Variants in UPP2 observed in about 807,000 individuals in gnomAD.
UPP2 encodes the protein UPase 2.
UPP2 carries 23 observed loss-of-function variants against 26.7 expected under a neutral mutation model. The ratio of observed to expected loss-of-function variants is 0.86; its 90% CI spans 0.62 to 1.22. The LOEUF is 1.22. Among genes scored for constraint, UPP2 ranks in the 50% most tolerant of loss-of-function variants. The pLI is 0.00. For synonymous variants in UPP2, 127 were observed against 141.3 expected, an observed-to-expected ratio of 0.90 and a Z score of 0.72; for missense variants, 387 against 396.7, an observed-to-expected ratio of 0.98 and a Z score of 0.21.
At chr2:158,133,522 C>G (rs1043010976) in intron 6 of UPP2, among the ~76,000 whole-genome samples, 1 of 152,040 alleles carries the variant, frequency 6.6e-6, no homozygotes, top group African/African-American at 2.4e-5. Flanking sequence ...TAATTGTTTT[C>G]ACCATAAAAA....
At chr2:158,132,648 T>C (rs6437139) in intron 6 of UPP2, among the ~76,000 whole-genome samples, 16,138 of 152,150 alleles carry the variant, frequency 0.11, 1,197 homozygotes, top group African/African-American at 0.21. Context: ...TAAGAGGTAA[T>C]ACACAGAACA....
rs1022749862 is a variant in UPP2 at position 158,054,131 on chromosome 2, C to T, written c.147+38245C>T. On this transcript the variant is annotated intron_variant, in intron 3 of 9. Coordinates refer to the UPP2 transcript ENST00000605860. ...ACTAAAAATACAAAAATTAGCTGGG[C>T]GCAGTGGCACACGTCTGTAGTTTCA... 3.9e-5 allele frequency among the ~76,000 whole-genome samples: 6 copies of T among 152,138 alleles called. No individual in the cohort carries two copies. The East Asian group carries it at 5.8e-4, about 15-fold the overall frequency.
chr2:158,068,913 G>T (rs1334644311), intron 3 of UPP2, among the ~76,000 whole-genome samples: 1 of 136,990 alleles, frequency 7.3e-6, no homozygotes, highest in Non-Finnish European at 1.5e-5. Flanking sequence ...CACCTCCCAG[G>T]TTCATGCCAT....
At position 158,102,080 on chromosome 2, in the gene UPP2, C is replaced by T; in HGVS notation, c.17C>T (p.Pro6Leu). The T allele has an allele frequency of 2.5e-6, 4 of 1,613,364 alleles. No individual in the cohort carries two copies. In the South Asian group the frequency reaches 4.4e-5, roughly 18 times the overall value. The stretch of plus-strand genomic sequence containing the variant: ...GTAGAGAGAATGGCTTCAGTTATAC[C>T]TGCCTCCAATAGGTCCATGAGATCT... The part of the protein sequence containing the change: MASVI[P>L]ASNRSMRSDR... Residue 6 changes from proline to leucine, a missense_variant, in exon 1 of 7, where the codon CCT becomes CTT. Transcript: ENST00000005756.
chr2:158,086,475 T>G (rs1682816525), intron 3 of UPP2, among the ~76,000 whole-genome samples: 1 of 152,122 alleles, frequency 6.6e-6, no homozygotes, highest in Non-Finnish European at 1.5e-5. Context: ...GTATTTTTTT[T>G]GTTTCAATTT....
chr2:158,053,116 C>A (rs1423328667), intron 3 of UPP2, among the ~76,000 whole-genome samples: 1 of 152,022 alleles, frequency 6.6e-6, no homozygotes, highest in African/African-American at 2.4e-5. Flanking sequence ...GTGTAGAAGC[C>A]CCCACACCAA....
chr2:158,026,735 G>C (rs571203054), intron 3 of UPP2, among the ~76,000 whole-genome samples: 4 of 152,158 alleles, frequency 2.6e-5, no homozygotes, highest in Non-Finnish European at 4.4e-5. Context: ...CAAGCAGTCT[G>C]TATTAGTCCA....
chr2:158,117,891 G>C lies in UPP2; in HGVS notation c.407G>C (p.Arg136Pro), dbSNP rs148283386. Residue 136 changes from arginine to proline, a missense_variant, in exon 4 of 7, where the codon CGG becomes CCG. Arg to Pro is a moderately radical substitution (Grantham distance 103, BLOSUM62 -2). Transcript: ENST00000005756. ...HELIKLLHHA[R>P]CCDVTIIRIG... ...CTCATCAAATTACTCCACCATGCAC[G>C]GTGCTGCGATGTCACCATTATTAGA... 165 of 1,612,978 alleles carry C rather than the reference G, an allele frequency of 1.0e-4. 1 individual carries two copies. The South Asian group carries it at 1.7e-3, about 16-fold the overall frequency.
At chr2:158,080,636 C>T (rs1031813565) in intron 3 of UPP2, among the ~76,000 whole-genome samples, 1 of 152,174 alleles carries the variant, frequency 6.6e-6, no homozygotes, top group Admixed American at 6.5e-5. Flanking sequence ...CCATAGTTAT[C>T]TTTCCCAGCT....
chr2:158,024,049 A>C (rs543503395), intron 3 of UPP2, among the ~76,000 whole-genome samples: 1 of 152,166 alleles, frequency 6.6e-6, no homozygotes, highest in African/African-American at 2.4e-5. Context: ...TTAAAAATTC[A>C]CCTGAGAAAT....
intron 3 of UPP2, among the ~76,000 whole-genome samples, chr2:158,024,447 C>T (rs1181020120): frequency 6.6e-6 from 1 of 152,150 alleles, no homozygotes; most frequent in Non-Finnish European, 1.5e-5. Flanking sequence ...AGTAGGGCCC[C>T]AACGCCTGGG....
chr2:158,030,172 G>C (rs776627691), intron 3 of UPP2, among the ~76,000 whole-genome samples: 1 of 152,130 alleles, frequency 6.6e-6, no homozygotes, highest in Non-Finnish European at 1.5e-5. Context: ...AAAAATTGGC[G>C]ATTATGATGA....
intron 3 of UPP2, among the ~76,000 whole-genome samples, chr2:158,116,181 C>A (rs760345200): frequency 2.0e-5 from 3 of 152,164 alleles, no homozygotes; most frequent in African/African-American, 7.2e-5. Flanking sequence ...GGGCCAAGAG[C>A]GCCTGAAACC....
chr2:158,000,604 A>C (rs1683390246), intron 2 of UPP2, among the ~76,000 whole-genome samples: 1 of 152,232 alleles, frequency 6.6e-6, no homozygotes, highest in Admixed American at 6.5e-5. Flanking sequence ...GGCCTGAAGC[A>C]ATGGTGGCTG....
intron 3 of UPP2, among the ~76,000 whole-genome samples, chr2:158,038,235 C>T (rs1210818249): frequency 1.3e-5 from 2 of 152,204 alleles, no homozygotes; most frequent in African/African-American, 4.8e-5. Flanking sequence ...CCTGGGCTTT[C>T]AGTCTACCAG....
At chr2:158,087,111 T>C (rs1252651053) in intron 3 of UPP2, among the ~76,000 whole-genome samples, 1 of 152,204 alleles carries the variant, frequency 6.6e-6, no homozygotes, top group African/African-American at 2.4e-5. Flanking sequence ...TATTAATATG[T>C]TGCCATCTAT....
At chr2:158,019,600 T>C (rs1683715688) in intron 3 of UPP2, among the ~76,000 whole-genome samples, 1 of 150,120 alleles carries the variant, frequency 6.7e-6, no homozygotes, top group Non-Finnish European at 1.5e-5. Flanking sequence ...TTCTCAAGAA[T>C]TTATATCCTC....
intron 3 of UPP2, among the ~76,000 whole-genome samples, chr2:158,092,948 T>C (rs1402523385): frequency 6.6e-6 from 1 of 152,172 alleles, no homozygotes; most frequent in African/African-American, 2.4e-5. Context: ...CATTTTTTTT[T>C]CTCACTTTGC....
intron 2 of UPP2, among the ~76,000 whole-genome samples, chr2:158,010,235 A>G (rs186398319): frequency 2.4e-4 from 37 of 152,376 alleles, no homozygotes; most frequent in Non-Finnish European, 4.4e-4. Context: ...GAAAATATCT[A>G]CTATAATAAT....
Sources: allele counts gnomAD v4.1 joint callset (sites outside exome capture counted in the v4.1 genomes callset), GRCh38; gene constraint gnomAD v4.1.1; transcripts MANE v1.5; gene names NCBI Gene and HGNC (gene_info 2026-07-23, HGNC 2026-07-21).